COLQ: variants seen among roughly 807,000 people sequenced by gnomAD.
COLQ encodes collagen like tail subunit of asymmetric acetylcholinesterase, also known as acetylcholinesterase collagenic tail peptide.
Under a neutral mutation model 69.0 loss-of-function variants are expected in COLQ, and 48 were observed. The observed-to-expected ratio is 0.70, with a 90% CI of 0.55 to 0.88. The LOEUF (loss-of-function observed/expected upper bound fraction) is 0.88, where lower values mean the gene tolerates loss of function less well. Ranked by LOEUF, COLQ falls within the 40% of genes least tolerant of loss-of-function variation. The probability of loss-of-function intolerance (pLI) is 0.00; values close to 1 mark genes in which losing one functional copy is unlikely to be tolerated. For missense variants in COLQ, 618 were observed against 594.6 expected (o/e 1.04, Z -0.41); for synonymous variants, 217 against 211.2 (o/e 1.03, Z -0.24).
intron 15 of COLQ, among the ~76,000 whole-genome samples, chr3:15,454,346 AG>A (rs1178242735): frequency 6.6e-6 from 1 of 152,170 alleles, no homozygotes; most frequent in Non-Finnish European, 1.5e-5. Flanking sequence ...GACACTGGTG[AG>A]CCCAGCCTTG....
chr3:15,506,831 T>G (rs985135173), intron 1 of COLQ: 1 of 152,246 alleles, frequency 6.6e-6, no homozygotes, highest in African/African-American at 2.4e-5. Context: ...AGCCCAGAAC[T>G]TCTAGATTCA....
At chr3:15,512,873 A>C (rs554233826) in intron 1 of COLQ, among the ~76,000 whole-genome samples, 1 of 152,316 alleles carries the variant, frequency 6.6e-6, no homozygotes, top group East Asian at 1.9e-4. Context: ...TAATTTGCCA[A>C]GGTCACAAAG....
intron 13 of COLQ, among the ~76,000 whole-genome samples, 159 bp from the exon 14 acceptor site, chr3:15,456,738 T>C (rs2062031782): frequency 6.6e-6 from 1 of 152,144 alleles, no homozygotes; most frequent in Non-Finnish European, 1.5e-5. Flanking sequence ...GTGAGAGGAG[T>C]GTCTTGATTC....
In COLQ at chr3:15,488,292, T is replaced by G. The variant is rs770561043; in HGVS notation, c.235A>C (p.Met79Leu). 10 of 1,613,470 alleles carry G rather than the reference T, an allele frequency of 6.2e-6. No homozygotes were observed. The highest frequency in any genetic ancestry group is 1.3e-5 in the African/African-American group (1 of 74,910). The change falls in exon 3 of 17, where the codon ATG (methionine) becomes CTG (leucine). Residue 79 changes from methionine to leucine, a missense_variant. Met to Leu is a conservative substitution (Grantham distance 15, BLOSUM62 2). Coordinates refer to ENST00000383788, the MANE Select transcript of COLQ (RefSeq NM_005677.4). ...TCCAGTTCCAGCATGAGATTCTTCA[T>G]GTCTGGGGAGAGAAGCTTCAGTACA... Reference protein sequence around the residue: ...GGRSPLLSPDMKNLMLELETS... With the variant: ...GGRSPLLSPDLKNLMLELETS...
At position 15,450,312 on chromosome 3, in the gene COLQ, G is replaced by A. The variant is rs1338074053; in HGVS notation, c.*1332C>T. The A allele has an allele frequency of 1.3e-5, 2 of 153,686 alleles. No individual in the cohort carries two copies. The highest frequency in any genetic ancestry group is 4.8e-5 in the African/African-American group (2 of 41,420). 9.5% of individuals were successfully genotyped at this position (153,686 alleles called of 1,614,324 possible). Reference sequence around the variant, plus strand: ...GGTTGATGTCACCTGTGGGAGACCGGGTCCACCTACAGACACCAGGTGATG... The same window carrying A: ...GGTTGATGTCACCTGTGGGAGACCGAGTCCACCTACAGACACCAGGTGATG... On this transcript the variant is annotated 3_prime_UTR_variant, in exon 17 of 17. Coordinates refer to ENST00000383788, the MANE Select transcript of COLQ (RefSeq NM_005677.4).
At chr3:15,482,590 T>A (rs570503469) in intron 3 of COLQ, among the ~76,000 whole-genome samples, 1 of 152,256 alleles carries the variant, frequency 6.6e-6, no homozygotes, top group Non-Finnish European at 1.5e-5. Context: ...AGCTTTTTGA[T>A]GTGCTGCTGG....
At chr3:15,511,739 A>C (rs1246652254) in intron 1 of COLQ, among the ~76,000 whole-genome samples, 1 of 152,122 alleles carries the variant, frequency 6.6e-6, no homozygotes, top group African/African-American at 2.4e-5. Flanking sequence ...GTGGTTGAGA[A>C]TTTCATTTCC....
In COLQ at chr3:15,472,679, C is replaced by T. The variant is rs547469422; in HGVS notation, c.636+1321G>A. 2.0e-5 allele frequency among the ~76,000 whole-genome samples: 3 copies of T among 152,240 alleles called. No individual in the cohort carries two copies. In the East Asian group the frequency reaches 5.8e-4, roughly 29 times the overall value. Reference sequence around the variant, plus strand: ...TTTTCTCTCTTTATTCTCTGACATTCCCCCTCAACTACCCTTGTTCTTCTT... The same window carrying T: ...TTTTCTCTCTTTATTCTCTGACATTTCCCCTCAACTACCCTTGTTCTTCTT... On this transcript the variant is annotated intron_variant, in intron 10 of 16. Coordinates refer to ENST00000383788, the MANE Select transcript of COLQ (RefSeq NM_005677.4).
At chr3:15,488,406 G>T in intron 2 of COLQ, 99 bp from the exon 3 acceptor site, 1 of 967,050 alleles carries the variant, frequency 1.0e-6, no homozygotes, top group Non-Finnish European at 1.6e-6. Context: ...AGGTCTCTAA[G>T]CCTGGCAGTT....
In COLQ at chr3:15,474,229, T is replaced by C; in HGVS notation, c.599A>G (p.Lys200Arg). The C allele has an allele frequency of 2.5e-6, 4 of 1,613,980 alleles. No homozygotes were observed. The highest frequency in any genetic ancestry group is 3.4e-6 in the Non-Finnish European group (4 of 1,179,852). Residue 200 changes from lysine to arginine, a missense_variant and splice_region_variant, in exon 9 of 17, where the codon AAG (lysine) becomes AGG (arginine). By Grantham distance (26) the Lys-to-Arg change is conservative. Coordinates refer to ENST00000383788, the MANE Select transcript of COLQ (RefSeq NM_005677.4). ...EKGDLGPKGE[K>R]GFPGFPGMLG... ...CTATGGAAAGGTTTTCTCCATTACCTTTTCTCCTTTGGGACCCAGGTCACC... is the reference window on the plus strand; with the variant it reads ...CTATGGAAAGGTTTTCTCCATTACCCTTTCTCCTTTGGGACCCAGGTCACC...
At chr3:15,471,474 A>T (rs1279435886) in intron 10 of COLQ, among the ~76,000 whole-genome samples, 1 of 152,212 alleles carries the variant, frequency 6.6e-6, no homozygotes, top group Non-Finnish European at 1.5e-5. Flanking sequence ...GGGTCAGCCC[A>T]CAGGGCGCTT....
intron 12 of COLQ, among the ~76,000 whole-genome samples, chr3:15,465,430 C>G (rs936489869): frequency 1.3e-5 from 2 of 149,456 alleles, no homozygotes; most frequent in African/African-American, 4.9e-5. Flanking sequence ...CCACGCCCGG[C>G]TAATTTTTTG....
At chr3:15,472,667 TTC>T (rs1221487845) in intron 10 of COLQ, among the ~76,000 whole-genome samples, 2 of 152,176 alleles carry the variant, frequency 1.3e-5, no homozygotes, top group Non-Finnish European at 1.5e-5. Flanking sequence ...TCTCTCTTTA[TTC>T]TCTGACATTC....
chr3:15,495,569 G>A (rs1375226846), intron 1 of COLQ, among the ~76,000 whole-genome samples: 1 of 152,204 alleles, frequency 6.6e-6, no homozygotes, highest in Non-Finnish European at 1.5e-5. Flanking sequence ...TGATTATCAA[G>A]TGATTCTTAC....
intron 1 of COLQ, among the ~76,000 whole-genome samples, chr3:15,514,721 C>A (rs149559155): frequency 3.3e-5 from 5 of 152,274 alleles, no homozygotes; most frequent in Non-Finnish European, 7.4e-5. Context: ...GCCAGCAGGG[C>A]TCCTGGTCCC....
At chr3:15,500,564 C>T (rs540562144) in intron 1 of COLQ, among the ~76,000 whole-genome samples, 9 of 152,218 alleles carry the variant, frequency 5.9e-5, no homozygotes, top group East Asian at 1.9e-4. Flanking sequence ...ACTAGATGAT[C>T]GCTGGGGTCC....
chr3:15,508,796 T>C (rs2062944515), intron 1 of COLQ, among the ~76,000 whole-genome samples: 2 of 151,706 alleles, frequency 1.3e-5, no homozygotes, highest in African/African-American at 4.8e-5. Flanking sequence ...GTCTCATTCA[T>C]TATATAAGAA....
intron 3 of COLQ, among the ~76,000 whole-genome samples, chr3:15,487,746 G>T (rs1415670468): frequency 2.0e-5 from 3 of 152,192 alleles, no homozygotes; most frequent in Non-Finnish European, 4.4e-5. Context: ...TTGGTGGGGA[G>T]GGGTGGGCTG....
intron 12 of COLQ, among the ~76,000 whole-genome samples, chr3:15,460,087 C>A (rs1002767131): frequency 6.6e-6 from 1 of 152,168 alleles, no homozygotes; most frequent in Non-Finnish European, 1.5e-5. Context: ...GATACAATTT[C>A]ATGGTTTCCT....
Sources: allele counts gnomAD v4.1 joint callset (sites outside exome capture counted in the v4.1 genomes callset), GRCh38; gene constraint gnomAD v4.1.1; transcripts MANE v1.5; gene names NCBI Gene and HGNC (gene_info 2026-07-23, HGNC 2026-07-21).